The following IFT80 variants were observed in gnomAD, a reference collection of about 807,000 sequenced individuals.
IFT80 encodes the protein intraflagellar transport protein 80 homolog.
IFT80 carries 79 observed loss-of-function variants against 107.9 expected under a neutral mutation model. The observed-to-expected ratio is 0.73, with a 90% CI of 0.61 to 0.88. IFT80 has a LOEUF of 0.88. Ranked by LOEUF, IFT80 falls within the 40% of genes least tolerant of loss-of-function variation. The pLI is 0.00. For missense variants in IFT80, 797 were observed against 914.2 expected (o/e 0.87, Z 1.65); for synonymous variants, 299 against 300.9 (o/e 0.99, Z 0.07).
intron 7 of IFT80, among the ~76,000 whole-genome samples, chr3:160,356,842 T>C (rs1721128963): frequency 6.6e-6 from 1 of 152,150 alleles, no homozygotes; most frequent in Admixed American, 6.5e-5. Flanking sequence ...TTGCTTAAAT[T>C]TTTTCTCCCT....
chr3:160,367,526 C>A (rs1488240480), intron 5 of IFT80, among the ~76,000 whole-genome samples: 2 of 151,994 alleles, frequency 1.3e-5, no homozygotes, highest in Non-Finnish European at 2.9e-5. Context: ...TCACAAATGG[C>A]AAATTTTTTT....
chr3:160,364,791 G>A (rs1360970616), intron 6 of IFT80, among the ~76,000 whole-genome samples: 2 of 151,952 alleles, frequency 1.3e-5, no homozygotes, highest in Non-Finnish European at 2.9e-5. Context: ...TCATAGGTGG[G>A]AACTGAACAA....
intron 8 of IFT80, among the ~76,000 whole-genome samples, chr3:160,326,553 A>AATAATGACAAAATTCATT (rs1718689858): frequency 6.6e-6 from 1 of 152,180 alleles, no homozygotes; most frequent in Non-Finnish European, 1.5e-5. Context: ...TCATTACATA[A>AATAATGACAAAATTCATT]ACAGAAATAA....
At chr3:160,306,988 C>CA (rs1716876540) in intron 10 of IFT80, among the ~76,000 whole-genome samples, 1 of 152,024 alleles carries the variant, frequency 6.6e-6, no homozygotes, top group Non-Finnish European at 1.5e-5. Flanking sequence ...AATATAAGGA[C>CA]AAAATTTTTA....
intron 6 of IFT80, among the ~76,000 whole-genome samples, chr3:160,362,730 A>T (rs964424703): frequency 2.0e-5 from 3 of 152,176 alleles, no homozygotes; most frequent in African/African-American, 7.2e-5. Context: ...AAATAAAGAA[A>T]CGTAATCCAT....
chr3:160,279,408 A>T (rs772182976), intron 15 of IFT80, 44 bp from the exon 16 acceptor site: 1 of 1,544,134 alleles, frequency 6.5e-7, no homozygotes, highest in East Asian at 2.3e-5. Flanking sequence ...TTGTATTCTG[A>T]GCAAAATTTT....
At chr3:160,345,098 C>T (rs1458638851) in intron 8 of IFT80, among the ~76,000 whole-genome samples, 1 of 152,082 alleles carries the variant, frequency 6.6e-6, no homozygotes, top group African/African-American at 2.4e-5. Flanking sequence ...AGGTATACAC[C>T]TAAAAGAAAA....
intron 5 of IFT80, among the ~76,000 whole-genome samples, chr3:160,374,097 T>C (rs1711789752): frequency 6.6e-6 from 1 of 151,476 alleles, no homozygotes; most frequent in African/African-American, 2.4e-5. Context: ...AACAGAAAAA[T>C]TGAAGGAAGT....
chr3:160,356,060 A>G lies in IFT80; in HGVS notation c.730T>C (p.Phe244Leu), dbSNP rs1272305517. The G allele has an allele frequency of 5.0e-6, 8 of 1,614,020 alleles. No homozygotes were observed. The South Asian group carries it at 5.5e-5, about 11-fold the overall frequency. The part of the protein sequence containing the change: ...SVAWAPDGEL[F>L]AVGSFHTLRL... The stretch of plus-strand genomic sequence containing the variant: ...AAAGTATGAAACGATCCAACAGCAA[A>G]TAATTCTCCATCTGGAGCCCAGGCA... Residue 244 changes from phenylalanine (F) to leucine (L), a missense_variant, in exon 8 of 20, where the codon TTT becomes CTT. By Grantham distance (22) the Phe-to-Leu change is conservative. Transcript: ENST00000326448.
At chr3:160,392,309 A>C (rs1430434533) in intron 1 of IFT80, among the ~76,000 whole-genome samples, 1 of 152,212 alleles carries the variant, frequency 6.6e-6, no homozygotes, top group Non-Finnish European at 1.5e-5. Context: ...TTTATAGCTT[A>C]ATATGAATGT....
At chr3:160,301,130 G>C in intron 11 of IFT80, 84 bp from the exon 12 acceptor site, 1 of 1,253,282 alleles carries the variant, frequency 8.0e-7, no homozygotes. Flanking sequence ...TTTATCCTTG[G>C]GAAAAAAAAT....
chr3:160,319,633 A>G, intron 9 of IFT80, 127 bp downstream of exon 9: 1 of 848,176 alleles, frequency 1.2e-6, no homozygotes, highest in Non-Finnish European at 1.8e-6. Context: ...AATAGTTAAA[A>G]TATTTCTAAT....
At chr3:160,289,889 C>G (rs562917268) in intron 12 of IFT80, among the ~76,000 whole-genome samples, 2 of 152,180 alleles carry the variant, frequency 1.3e-5, no homozygotes, top group Admixed American at 1.3e-4. Flanking sequence ...CACCTTGACG[C>G]AGAAGTGCCA....
intron 3 of IFT80, among the ~76,000 whole-genome samples, chr3:160,378,315 C>G (rs978040467): frequency 1.5e-4 from 23 of 151,376 alleles, no homozygotes; most frequent in Admixed American, 1.3e-3. Context: ...TTGACCCTCC[C>G]TTGGCCACAT....
At chr3:160,379,107 G>C (rs1046127230) in intron 3 of IFT80, among the ~76,000 whole-genome samples, 1 of 152,126 alleles carries the variant, frequency 6.6e-6, no homozygotes, top group Non-Finnish European at 1.5e-5. Flanking sequence ...CCAATAATGG[G>C]TCAAACCAAC....
At chr3:160,299,199 T>C in intron 12 of IFT80, 1 of 1,108,998 alleles carries the variant, frequency 9.0e-7, no homozygotes. Context: ...TATTATTCCA[T>C]TCTGTTTTCC....
chr3:160,369,169 A>C (rs1195672403), intron 5 of IFT80, among the ~76,000 whole-genome samples: 1 of 152,016 alleles, frequency 6.6e-6, no homozygotes, highest in Non-Finnish European at 1.5e-5. Flanking sequence ...AATAATGTTA[A>C]AGAAACAGGT....
At chr3:160,380,960 C>T (rs928262015) in intron 3 of IFT80, among the ~76,000 whole-genome samples, 1 of 151,838 alleles carries the variant, frequency 6.6e-6, no homozygotes, top group Admixed American at 6.6e-5. Context: ...GCCAGCTGGG[C>T]ATGGTGGCTC....
At chr3:160,367,994 A>G (rs1490473167) in intron 5 of IFT80, among the ~76,000 whole-genome samples, 1 of 151,944 alleles carries the variant, frequency 6.6e-6, no homozygotes, top group Non-Finnish European at 1.5e-5. Context: ...TTACAAAACC[A>G]TCTTTTAAAA....
Sources: gnomAD v4.1 joint callset for allele counts (sites outside exome capture counted in the v4.1 genomes callset) on GRCh38, gnomAD v4.1.1 for gene constraint, MANE v1.5 for transcripts, NCBI Gene and HGNC (gene_info 2026-07-23, HGNC 2026-07-21) for gene names.